The following TERT variants were observed in gnomAD, a reference collection of about 807,000 sequenced individuals.
TERT encodes telomerase reverse transcriptase.
Under a neutral mutation model 104.0 loss-of-function variants are expected in TERT, and 42 were observed. The ratio of observed to expected loss-of-function variants is 0.40; its 90% CI spans 0.32 to 0.52. The LOEUF (loss-of-function observed/expected upper bound fraction) is 0.52. Among genes scored for constraint, TERT ranks in the 20% least tolerant of loss-of-function variants. The pLI, the probability that TERT is intolerant of heterozygous loss-of-function variation, is 0.43. For missense variants in TERT, 1,101 were observed against 1,610.3 expected (o/e 0.68, Z 5.41); for synonymous variants, 781 against 725.6 (o/e 1.08, Z -1.23).
At chr5:1,259,489 C>T (rs1196478238) in intron 12 of TERT, among the ~76,000 whole-genome samples, 11 of 120,094 alleles carry the variant, frequency 9.2e-5, no homozygotes, top group Non-Finnish European at 1.7e-4. Flanking sequence ...GACGCGGACG[C>T]CCACAGGAGG....
rs1178198131 is a variant in TERT at position 1,269,705 on chromosome 5, G to A, written c.2469-1072C>T. 6.6e-6 allele frequency among the ~76,000 whole-genome samples: 1 copy of A among 152,060 alleles called. No homozygotes were observed. The highest frequency in any genetic ancestry group is 1.5e-5 in the Non-Finnish European group (1 of 68,002). ...AGAGGACTGCACTTTTTGCACAGAA[G>A]CACACGCACCAACTCTAGGAGTCCG... is the stretch of plus-strand genomic sequence containing the variant. On this transcript the variant is annotated intron_variant, in intron 8 of 15. Transcript: ENST00000310581. The surrounding 1 kb of genome is among the most constrained non-coding windows in gnomAD (Gnocchi z 9.0).
rs142213801 is a variant in TERT, at chr5:1,267,858, T to C, written c.2582+662A>G. ...ATGGGATGGGGGGAGTGGGGAGGGA[T>C]AGCATTAGGAGATATACCTAATGTA... On this transcript the variant is annotated intron_variant, in intron 9 of 15. Coordinates refer to ENST00000310581, the MANE Select transcript of TERT (RefSeq NM_198253.3). Among the ~76,000 whole-genome samples the C allele has an allele frequency of 6.3e-3, 953 of 151,960 alleles. 17 individuals are homozygous for C. Among genetic ancestry groups the C allele is most frequent in the African/African-American group, 0.022 (909 of 41,398 alleles).
rs554883109 is a variant in TERT at position 1,268,810 on chromosome 5, C to G, written c.2469-177G>C. Among the ~76,000 whole-genome samples the G allele has an allele frequency of 1.3e-5, 2 of 152,336 alleles. No homozygotes were observed. Among genetic ancestry groups the G allele is most frequent in the South Asian group, 4.1e-4 (2 of 4,830 alleles). ...GACCTCTGAACAAACAATCCCTGCTCCCCACTCTCACCATGCACTGGGGCG... is the reference window on the plus strand; with the variant it reads ...GACCTCTGAACAAACAATCCCTGCTGCCCACTCTCACCATGCACTGGGGCG... On this transcript the variant is annotated intron_variant, in intron 8 of 15. Coordinates refer to ENST00000310581, the MANE Select transcript of TERT (RefSeq NM_198253.3). This position sits in a 1 kb window ranked among gnomAD's most constrained non-coding sequence, Gnocchi z 5.5.
At chr5:1,277,510 C>G (rs990329394) in intron 6 of TERT, among the ~76,000 whole-genome samples, 1 of 151,998 alleles carries the variant, frequency 6.6e-6, no homozygotes, top group Admixed American at 6.6e-5. Context: ...CCTGCCTGAT[C>G]TCACTCACAT....
rs377477531 is a variant in TERT at position 1,293,722 on chromosome 5, T to C, written c.1164A>G (p.Gln388=). Reference sequence around the variant, plus strand: ...GCAGCTCCAGAAACAGGGGCCGCATTTGCCAGTAGCGCTGGGGCAGGCGGG... The same window carrying C: ...GCAGCTCCAGAAACAGGGGCCGCATCTGCCAGTAGCGCTGGGGCAGGCGGG... ...RLPRLPQRYW[Q]MRPLFLELLG... Residue 388 remains glutamine, a synonymous_variant, in exon 2 of 16, where the codon CAA becomes CAG. Transcript: ENST00000310581. 4.5e-6 allele frequency: 7 copies of C among 1,571,304 alleles called. No homozygotes were observed. Among genetic ancestry groups the C allele is most frequent in the Middle Eastern group, 1.7e-4 (1 of 6,008 alleles).
intron 15 of TERT, among the ~76,000 whole-genome samples, chr5:1,254,083 C>G (rs1254680005): frequency 2.0e-5 from 3 of 152,164 alleles, no homozygotes; most frequent in Non-Finnish European, 4.4e-5. Flanking sequence ...AGGGAAGAGG[C>G]TGTGAGAGGA....
chr5:1,267,578 C>G (rs1372622526), intron 9 of TERT, among the ~76,000 whole-genome samples: 1 of 152,214 alleles, frequency 6.6e-6, no homozygotes, highest in Non-Finnish European at 1.5e-5. Flanking sequence ...AGACTTGCAA[C>G]CAACCCAAAT....
chr5:1,275,556 A>G (rs1749502425), intron 6 of TERT, among the ~76,000 whole-genome samples: 2 of 151,994 alleles, frequency 1.3e-5, no homozygotes. Flanking sequence ...TGGAAGAAAC[A>G]GAACAGGGAG....
chr5:1,282,813 A>C, intron 2 of TERT, 189 bp from the exon 3 acceptor site: 1 of 639,582 alleles, frequency 1.6e-6, no homozygotes, highest in Admixed American at 2.4e-5. Context: ...GACCTGCACC[A>C]TTCGGACACG....
Position 1,278,762 on chromosome 5 carries a change from TG to T in TERT, c.2164del (p.Gln722ArgfsTer45). The T allele has an allele frequency of 6.2e-7, 1 of 1,614,164 alleles. No homozygotes were observed. Among genetic ancestry groups the T allele is most frequent in the Non-Finnish European group, 8.5e-7 (1 of 1,180,046 alleles). On this transcript the variant is annotated frameshift_variant, in exon 6 of 16. Transcript: ENST00000310581. LOFTEE classifies it high-confidence loss of function. Reference sequence around the variant, plus strand: ...GGCGATGACCTCCGTGAGCCTGTCCTGGGGGATGGTGTCGTACGCGCCCGTC... The same window carrying T: ...GGCGATGACCTCCGTGAGCCTGTCCTGGGGATGGTGTCGTACGCGCCCGTC... ...DVTGAYDTIP[Q>X]DRLTEVIASI...
At position 1,262,673 on chromosome 5, in the gene TERT, A is replaced by C. The variant is rs1579553751; in HGVS notation, c.2843+1731T>G. 6.6e-6 allele frequency among the ~76,000 whole-genome samples: 1 copy of C among 152,120 alleles called. No homozygotes were observed. Among genetic ancestry groups the C allele is most frequent in the Admixed American group, 6.5e-5 (1 of 15,270 alleles). On this transcript the variant is annotated intron_variant, in intron 11 of 15. Coordinates refer to ENST00000310581, the MANE Select transcript of TERT (RefSeq NM_198253.3). This position sits in a 1 kb window ranked among gnomAD's most constrained non-coding sequence, Gnocchi z 5.6. Reference sequence around the variant, plus strand: ...ACCCACATCTGATGACCTGATGCCCACCCATCCTGCACTAGCCTCTGTGGC... The same window carrying C: ...ACCCACATCTGATGACCTGATGCCCCCCCATCCTGCACTAGCCTCTGTGGC...
chr5:1,293,918 G>C lies in TERT; in HGVS notation c.968C>G (p.Pro323Arg), dbSNP rs139342764. 98 of 1,542,122 alleles carry C rather than the reference G, an allele frequency of 6.4e-5. No homozygotes were observed. The highest frequency in any genetic ancestry group is 7.8e-5 in the Non-Finnish European group (89 of 1,147,240). Residue 323 changes from proline (P) to arginine (R), a missense_variant, in exon 2 of 16, where the codon CCG becomes CGG. Physicochemically the swap from Pro to Arg is moderately radical, Grantham distance 103. Coordinates refer to ENST00000310581, the MANE Select transcript of TERT (RefSeq NM_198253.3). ...PPRPWDTPCP[P>R]VYAETKHFLY... ...GAAGTGCTTGGTCTCGGCGTACACCGGGGGACAAGGCGTGTCCCAGGGACG... is the reference window on the plus strand; with the variant it reads ...GAAGTGCTTGGTCTCGGCGTACACCCGGGGACAAGGCGTGTCCCAGGGACG...
At position 1,274,807 on chromosome 5, in the gene TERT, A is replaced by G. The variant is rs1224601112; in HGVS notation, c.2287-2527T>C. Among the ~76,000 whole-genome samples, 1 of 152,250 alleles carries G rather than the reference A, an allele frequency of 6.6e-6. No homozygotes were observed. The highest frequency in any genetic ancestry group is 2.4e-5 in the African/African-American group (1 of 41,462). On this transcript the variant is annotated intron_variant, in intron 6 of 15. Coordinates refer to ENST00000310581, the MANE Select transcript of TERT (RefSeq NM_198253.3). The surrounding 1 kb of genome is among the most constrained non-coding windows in gnomAD (Gnocchi z 5.3). ...ACGGCAACTTCAGATGCTTGTTTAGAAAAGAAAGTTCAAACATCCATAATC... is the reference window on the plus strand; with the variant it reads ...ACGGCAACTTCAGATGCTTGTTTAGGAAAGAAAGTTCAAACATCCATAATC...
chr5:1,284,417 G>T (rs13188694), intron 2 of TERT, among the ~76,000 whole-genome samples: 16 of 138,732 alleles, frequency 1.2e-4, no homozygotes, highest in Non-Finnish European at 2.2e-4. Context: ...TCCGGACACC[G>T]CATATCCAGC....
At position 1,278,697 on chromosome 5, in the gene TERT, A is replaced by G; in HGVS notation, c.2230T>C (p.Tyr744His). The G allele has an allele frequency of 6.2e-7, 1 of 1,614,152 alleles. No homozygotes were observed. Among genetic ancestry groups the G allele is most frequent in the Non-Finnish European group, 8.5e-7 (1 of 1,180,040 alleles). Residue 744 changes from tyrosine to histidine, a missense_variant, in exon 6 of 16, where the codon TAT (tyrosine) becomes CAT (histidine). Tyr to His is a moderately conservative substitution (Grantham distance 83). This residue lies in a region of TERT where 463 missense variants were observed against 797.5 expected (regional missense o/e 0.58). Transcript: ENST00000310581. ...TGGGCGGCCTTCTGGACCACGGCAT[A>G]CCGACGCACGCAGTACGTGTTCTGG... The part of the protein sequence containing the change: ...KPQNTYCVRR[Y>H]AVVQKAAHGH...
chr5:1,260,710 C>T, intron 11 of TERT, 110 bp from the exon 12 acceptor site: 2 of 1,514,130 alleles, frequency 1.3e-6, no homozygotes, highest in Middle Eastern at 2.2e-4. Context: ...CCTTGTCCTG[C>T]CTGGGGCATG....
chr5:1,272,264 T>C lies in TERT; in HGVS notation c.2303A>G (p.Asp768Gly). ...GAACTGTCGCATGTACGGCTGGAGG[T>C]CTGTCAAGGTAGAGACCTGCCGGCA... ...AFKSHVSTLT[D>G]LQPYMRQFVA... is the part of the protein sequence containing the mutation. The change falls in exon 7 of 16, where the codon GAC becomes GGC. Residue 768 changes from aspartate to glycine, a missense_variant. Asp to Gly is a moderately conservative substitution (Grantham distance 94, BLOSUM62 -1). This residue lies in a region of TERT where 463 missense variants were observed against 797.5 expected (regional missense o/e 0.58). Transcript: ENST00000310581. The C allele has an allele frequency of 6.2e-7, 1 of 1,611,646 alleles. No individual in the cohort carries two copies. The highest frequency in any genetic ancestry group is 8.5e-7 in the Non-Finnish European group (1 of 1,179,508).
Position 1,293,701 on chromosome 5 carries a change from C to T in TERT, c.1185G>A (p.Glu395=). The T allele has an allele frequency of 6.3e-7, 1 of 1,575,014 alleles. No homozygotes were observed. Among genetic ancestry groups the T allele is most frequent in the Non-Finnish European group, 8.6e-7 (1 of 1,160,966 alleles). The change falls in exon 2 of 16, where the codon GAG becomes GAA. Residue 395 remains glutamate (E), a synonymous_variant. Coordinates refer to ENST00000310581, the MANE Select transcript of TERT (RefSeq NM_198253.3). ...GGCACTGCGCGTGGTTCCCAAGCAG[C>T]TCCAGAAACAGGGGCCGCATTTGCC... ...RYWQMRPLFL[E]LLGNHAQCPY... is the part of the protein sequence containing the mutation.
Position 1,287,497 on chromosome 5 carries a change from CAAAA to C in TERT, c.1574-4877_1574-4874del, listed in dbSNP as rs11291391. On this transcript the variant is annotated intron_variant, in intron 2 of 15. Transcript: ENST00000310581. The surrounding 1 kb of genome is among the most constrained non-coding windows in gnomAD (Gnocchi z 4.3). Reference sequence around the variant, plus strand: ...TGGGCGACAGACCAAGACTCTGTCTCAAAAAAAAAAAATATATATATATATATAT... The same window carrying C: ...TGGGCGACAGACCAAGACTCTGTCTCAAAAAAAATATATATATATATATAT... Among the ~76,000 whole-genome samples the C allele has an allele frequency of 7.3e-6, 1 of 136,096 alleles. No individual in the cohort carries two copies. 89.3% of individuals were successfully genotyped at this position (136,096 alleles called of 152,430 possible). A position where few individuals can be genotyped will look rare whatever the true frequency, so the allele number is the denominator to read the frequency against.
Sources: allele counts gnomAD v4.1 joint callset (sites outside exome capture counted in the v4.1 genomes callset), GRCh38; gene constraint gnomAD v4.1.1; regional missense constraint gnomAD v4.1.1; non-coding constraint Gnocchi (gnomAD v3.1); transcripts MANE v1.5; gene names NCBI Gene and HGNC (gene_info 2026-07-23, HGNC 2026-07-21).